The following LINGO2 variants were observed in gnomAD, a reference collection of about 807,000 sequenced individuals.
LINGO2 encodes leucine-rich repeat and immunoglobulin-like domain-containing nogo receptor-interacting protein 2.
LINGO2 carries 14 observed loss-of-function variants against 30.6 expected under a neutral mutation model. The ratio of observed to expected loss-of-function variants is 0.46; its 90% confidence interval spans 0.30 to 0.72. The LOEUF (loss-of-function observed/expected upper bound fraction) is 0.72, where lower values mean the gene tolerates loss of function less well. Among genes scored for constraint, LINGO2 ranks in the 30% least tolerant of loss-of-function variants. The pLI, the probability that LINGO2 is intolerant of heterozygous loss-of-function variation, is 0.07. For missense variants in LINGO2, 729 were observed against 751.7 expected, an observed-to-expected ratio of 0.97 and a Z score of 0.35; for synonymous variants, 317 against 288.5, an observed-to-expected ratio of 1.10 and a Z score of -1.00.
the LINGO2 span, among the ~76,000 whole-genome samples, chr9:28,821,335 T>C: frequency 2.0e-5 from 3 of 152,032 alleles, no homozygotes; most frequent in Non-Finnish European, 4.4e-5. Context: ...GAGTAGGAAA[T>C]AAAGGACTAA....
the LINGO2 span, among the ~76,000 whole-genome samples, chr9:29,089,124 A>C: frequency 1.3e-5 from 2 of 151,960 alleles, no homozygotes; most frequent in Admixed American, 6.6e-5. Context: ...AGCAATTATA[A>C]TAAGTACATT....
chr9:28,785,713 C>A, the LINGO2 span, among the ~76,000 whole-genome samples: 5 of 150,456 alleles, frequency 3.3e-5, no homozygotes, highest in East Asian at 9.9e-4. Context: ...CACATGCACA[C>A]ACACTACATC....
At chr9:27,952,545 T>C (rs1016831500) in intron 5 of LINGO2, among the ~76,000 whole-genome samples, 1 of 151,876 alleles carries the variant, frequency 6.6e-6, no homozygotes, top group Non-Finnish European at 1.5e-5. Context: ...ACACATAAGA[T>C]ACAAAACTAT....
the LINGO2 span, among the ~76,000 whole-genome samples, chr9:28,778,770 T>G: frequency 6.6e-6 from 1 of 152,206 alleles, no homozygotes; most frequent in African/African-American, 2.4e-5. Context: ...AACTCTCTGA[T>G]AGCTAAAATA....
the LINGO2 span, among the ~76,000 whole-genome samples, chr9:29,013,785 T>C: frequency 1.3e-5 from 2 of 152,270 alleles, no homozygotes; most frequent in Non-Finnish European, 2.9e-5. Context: ...TTTCAACATC[T>C]TATATGGATG....
chr9:28,083,079 C>T (rs994526135), intron 4 of LINGO2, among the ~76,000 whole-genome samples: 8 of 152,188 alleles, frequency 5.3e-5, no homozygotes, highest in African/African-American at 1.9e-4. Flanking sequence ...GACGGCACTT[C>T]TCAGACTTCA....
chr9:28,842,281 G>T, the LINGO2 span, among the ~76,000 whole-genome samples: 1 of 151,886 alleles, frequency 6.6e-6, no homozygotes, highest in Non-Finnish European at 1.5e-5. Context: ...ACTCTACAAG[G>T]TAAGTAATAT....
intron 4 of LINGO2, among the ~76,000 whole-genome samples, chr9:28,107,335 T>A (rs1007358984): frequency 6.6e-6 from 1 of 152,182 alleles, no homozygotes; most frequent in Non-Finnish European, 1.5e-5. Context: ...TTGAATAATT[T>A]CTAAATCTTT....
chr9:28,158,458 T>C (rs965128995), intron 4 of LINGO2, among the ~76,000 whole-genome samples: 3 of 152,152 alleles, frequency 2.0e-5, no homozygotes, highest in African/African-American at 7.2e-5. Flanking sequence ...CTCTTAAAGT[T>C]GGTTGGGGAG....
At chr9:28,685,965 A>G in the LINGO2 span, among the ~76,000 whole-genome samples, 2 of 147,774 alleles carry the variant, frequency 1.4e-5, no homozygotes, top group Admixed American at 6.9e-5. Context: ...TCTTTTATAT[A>G]TAACATATAT....
At chr9:28,853,275 G>A in the LINGO2 span, among the ~76,000 whole-genome samples, 2 of 152,084 alleles carry the variant, frequency 1.3e-5, no homozygotes, top group South Asian at 2.1e-4. Flanking sequence ...TATTAGTCAT[G>A]CACATATGCA....
chr9:28,549,950 A>G (rs1822186613), intron 1 of LINGO2, among the ~76,000 whole-genome samples: 1 of 151,880 alleles, frequency 6.6e-6, no homozygotes, highest in Non-Finnish European at 1.5e-5. Context: ...CAATTTTTAG[A>G]TGTATTTTAA....
At chr9:28,698,718 C>T in the LINGO2 span, among the ~76,000 whole-genome samples, 1 of 151,828 alleles carries the variant, frequency 6.6e-6, no homozygotes, top group Admixed American at 6.6e-5. Flanking sequence ...CCCTTGTCCC[C>T]CACACACAAT....
chr9:28,829,701 A>G, the LINGO2 span, among the ~76,000 whole-genome samples: 1 of 152,170 alleles, frequency 6.6e-6, no homozygotes, highest in African/African-American at 2.4e-5. Flanking sequence ...CAGCCTGACC[A>G]ACATGGCAAA....
At chr9:28,280,809 T>G (rs1254075454) in intron 4 of LINGO2, among the ~76,000 whole-genome samples, 1 of 152,160 alleles carries the variant, frequency 6.6e-6, no homozygotes, top group Non-Finnish European at 1.5e-5. Context: ...GTAAGTGCAA[T>G]GTACCAATCC....
At chr9:28,690,740 T>C in the LINGO2 span, among the ~76,000 whole-genome samples, 9 of 152,148 alleles carry the variant, frequency 5.9e-5, no homozygotes, top group African/African-American at 1.7e-4. Flanking sequence ...CTTTAATCTA[T>C]TGTTTCTTCC....
chr9:27,986,548 C>T (rs375565105), intron 5 of LINGO2, among the ~76,000 whole-genome samples: 1 of 151,628 alleles, frequency 6.6e-6, no homozygotes, highest in African/African-American at 2.4e-5. Context: ...ACAATATTTC[C>T]TAAGGGTCTA....
intron 1 of LINGO2, among the ~76,000 whole-genome samples, chr9:28,636,230 A>T (rs888399726): frequency 3.9e-5 from 6 of 152,142 alleles, no homozygotes; most frequent in African/African-American, 1.4e-4. Flanking sequence ...TCGTTGATGG[A>T]CATTTGGGTT....
intron 4 of LINGO2, among the ~76,000 whole-genome samples, chr9:28,036,702 A>T (rs1587739454): frequency 1.3e-5 from 2 of 152,228 alleles, no homozygotes; most frequent in African/African-American, 2.4e-5. Flanking sequence ...GGAGGACAGT[A>T]GTTCATTTTT....
Sources: gnomAD v4.1 joint callset for allele counts (sites outside exome capture counted in the v4.1 genomes callset) on GRCh38, gnomAD v4.1.1 for gene constraint, MANE v1.5 for transcripts, NCBI Gene and HGNC (gene_info 2026-07-23, HGNC 2026-07-21) for gene names.